The following FAM170B variants were observed in gnomAD, a reference collection of about 807,000 sequenced individuals.
FAM170B encodes family with sequence similarity 170 member B.
A neutral mutation model predicts 3.9 loss-of-function variants in FAM170B; 4 were observed. The observed-to-expected ratio is 1.01, with a 90% CI of 0.50 to 2.32. The LOEUF (loss-of-function observed/expected upper bound fraction) is 2.32. Ranked by LOEUF, FAM170B falls within the 30% of genes most tolerant of loss-of-function variation. The pLI is 0.02. For synonymous variants in FAM170B, 163 were observed against 149.8 expected (o/e 1.09, Z -0.64); for missense variants, 417 against 368.6 (o/e 1.13, Z -1.07).
chr10:49,132,015 G>T lies in FAM170B; in HGVS notation c.450C>A (p.Asn150Lys), dbSNP rs370110511. Reference sequence around the variant, plus strand: ...TGGAAGCCATTTCGAAGGAGGAGCCGTTCCACCTCTGCCTCTTGATGAACT... The same window carrying T: ...TGGAAGCCATTTCGAAGGAGGAGCCTTTCCACCTCTGCCTCTTGATGAACT... ...EAQFIKRQRW[N>K]GSSFEMASNT... The change falls in exon 2 of 2, where the codon AAC becomes AAA. Residue 150 changes from asparagine to lysine, a missense_variant. Transcript: ENST00000311787. The T allele has an allele frequency of 5.8e-6, 9 of 1,551,630 alleles. No individual in the cohort carries two copies. The highest frequency in any genetic ancestry group is 6.1e-6 in the Non-Finnish European group (7 of 1,147,012).
In FAM170B at chr10:49,133,966, G is replaced by C. The variant is rs1470875120; in HGVS notation, c.-48C>G. The C allele has an allele frequency of 6.8e-7, 1 of 1,465,850 alleles. No individual in the cohort carries two copies. Among genetic ancestry groups the C allele is most frequent in the Non-Finnish European group, 9.4e-7 (1 of 1,068,648 alleles). 90.8% of individuals were successfully genotyped at this position (1,465,850 alleles called of 1,614,324 possible). Reference sequence around the variant, plus strand: ...TGTCGGTGCTCCAGCTGTTCAGTGAGAGTTGGCTGGGGCTGTACTGAAGGC... The same window carrying C: ...TGTCGGTGCTCCAGCTGTTCAGTGACAGTTGGCTGGGGCTGTACTGAAGGC... On this transcript the variant is annotated 5_prime_UTR_variant, in exon 1 of 2. Coordinates refer to ENST00000311787, the MANE Select transcript of FAM170B (RefSeq NM_001164484.2).
rs1466953582 is a variant in FAM170B at position 49,131,648 on chromosome 10, C to T, written c.817G>A (p.Glu273Lys). The T allele has an allele frequency of 1.4e-5, 21 of 1,551,630 alleles. No individual in the cohort carries two copies. Among genetic ancestry groups the T allele is most frequent in the Middle Eastern group, 1.7e-4 (1 of 6,014 alleles). Residue 273 changes from glutamate (E) to lysine (K), a missense_variant, in exon 2 of 2, where the codon GAG becomes AAG. Glu to Lys is a moderately conservative substitution (Grantham distance 56). Transcript: ENST00000311787. ...TCCTGCTGCTGTGCTGAGAGCACCT[C>T]ACCCTGGGGCCGGGAACATTCGCTG... Reference protein sequence around the residue: ...DNSECSRPQGEVLSAQQQEKQ With the variant: ...DNSECSRPQGKVLSAQQQEKQ
At position 49,131,817 on chromosome 10, in the gene FAM170B, C is replaced by CA; in HGVS notation, c.647dup (p.Asp217GlyfsTer22). The CA allele has an allele frequency of 1.3e-6, 2 of 1,548,506 alleles. No individual in the cohort carries two copies. The highest frequency in any genetic ancestry group is 1.7e-6 in the Non-Finnish European group (2 of 1,146,972). The stretch of plus-strand genomic sequence containing the variant: ...GCTGGGCGTGCTCCAGCAGAGCGTC[C>CA]AGGGAGGGCAAGACCCTGCAGCAGG... On this transcript the variant is annotated frameshift_variant, in exon 2 of 2. Transcript: ENST00000311787. LOFTEE classifies it low-confidence loss of function (END_TRUNC).
rs1845183592 is a variant in FAM170B, at chr10:49,131,698, T to G, written c.767A>C (p.Glu256Ala). ...GTTGTCTGAAGGACTCTGCTCCTCC[T>G]CCAGCTGTTGGTCATGTGCTTGGCC... Reference protein sequence around the residue: ...AQGQAHDQQLEEEQSPSDNSE... With the variant: ...AQGQAHDQQLAEEQSPSDNSE... Residue 256 changes from glutamate to alanine, a missense_variant, in exon 2 of 2, where the codon GAG becomes GCG. By Grantham distance (107) the Glu-to-Ala change is moderately radical (BLOSUM62 -1). Transcript: ENST00000311787. The G allele has an allele frequency of 6.4e-7, 1 of 1,551,632 alleles. No homozygotes were observed. Among genetic ancestry groups the G allele is most frequent in the African/African-American group, 1.4e-5 (1 of 73,058 alleles).
chr10:49,133,988 A>C lies in FAM170B; in HGVS notation c.-70T>G, dbSNP rs534085340. 7.8e-6 allele frequency: 10 copies of C among 1,280,488 alleles called. No homozygotes were observed. The African/African-American group carries it at 1.3e-4, about 17-fold the overall frequency. The allele number at this position is 1,280,488 out of a possible 1,614,324, so 79.3% of individuals were successfully genotyped here. A position where few individuals can be genotyped will look rare whatever the true frequency, so the allele number is the denominator to read the frequency against. ...TGAGAGTTGGCTGGGGCTGTACTGAAGGCCTCCAGCTGGCCCCAGCCAGAG... is the reference window on the plus strand; with the variant it reads ...TGAGAGTTGGCTGGGGCTGTACTGACGGCCTCCAGCTGGCCCCAGCCAGAG... On this transcript the variant is annotated 5_prime_UTR_variant, in exon 1 of 2. Transcript: ENST00000311787.
chr10:49,133,514 C>T (rs1057213572), intron 1 of FAM170B, among the ~76,000 whole-genome samples: 10 of 152,204 alleles, frequency 6.6e-5, no homozygotes, highest in African/African-American at 2.4e-4. Context: ...CTGCTGAAAT[C>T]ACAGGATGGA....
In FAM170B at chr10:49,131,955, C is replaced by G. The variant is rs1175942636; in HGVS notation, c.510G>C (p.Lys170Asn). 1 of 1,551,276 alleles carries G rather than the reference C, an allele frequency of 6.4e-7. No homozygotes were observed. Among genetic ancestry groups the G allele is most frequent in the African/African-American group, 1.4e-5 (1 of 73,070 alleles). The change falls in exon 2 of 2, where the codon AAG (lysine) becomes AAC (asparagine). Residue 170 changes from lysine to asparagine, a missense_variant. Transcript: ENST00000311787. ...TDMRWDLEAC[K>N]SNCSPEPEDI... ...CCTCGGGCTCGGGGCTGCAGTTGCT[C>G]TTGCAGGCTTCCAGGTCCCAGCGCA...
chr10:49,131,518 C>G lies in FAM170B; in HGVS notation c.*95G>C, dbSNP rs547291313. On this transcript the variant is annotated 3_prime_UTR_variant, in exon 2 of 2. Transcript: ENST00000311787. Reference sequence around the variant, plus strand: ...TTTCCTTCCCCCTGACCCTGGTCCTCTCTCCCTGCCCTAGTGGCTCTGATA... The same window carrying G: ...TTTCCTTCCCCCTGACCCTGGTCCTGTCTCCCTGCCCTAGTGGCTCTGATA... 3 of 1,447,300 alleles carry G rather than the reference C, an allele frequency of 2.1e-6. No homozygotes were observed. Among genetic ancestry groups the G allele is most frequent in the African/African-American group, 2.8e-5 (2 of 70,200 alleles). The allele number at this position is 1,447,300 out of a possible 1,614,324, so 89.7% of individuals were successfully genotyped here.
chr10:49,133,747 C>A, intron 1 of FAM170B, 60 bp downstream of exon 1: 1 of 1,424,264 alleles, frequency 7.0e-7, no homozygotes, highest in South Asian at 1.2e-5. Flanking sequence ...CCCTTCCCAT[C>A]AGGGCTTCCT....
In FAM170B at chr10:49,132,181, A is replaced by T; in HGVS notation, c.284T>A (p.Met95Lys). 1.9e-6 allele frequency: 3 copies of T among 1,551,800 alleles called. No individual in the cohort carries two copies. The highest frequency in any genetic ancestry group is 1.7e-4 in the Middle Eastern group (1 of 5,992). Residue 95 changes from methionine to lysine, a missense_variant, in exon 2 of 2, where the codon ATG (methionine) becomes AAG (lysine). Transcript: ENST00000311787. ...YSQYQSCCSCMCDEDNAAPQS... is the reference protein window; with the variant it reads ...YSQYQSCCSCKCDEDNAAPQS... ...CGGAGCAGCATTGTCCTCATCGCAC[A>T]TGCAGGAGCAGCACGACTGGTACTG...
chr10:49,132,514 C>T (rs1027081257), intron 1 of FAM170B, among the ~76,000 whole-genome samples, 162 bp from the exon 2 acceptor site: 29 of 152,124 alleles, frequency 1.9e-4, no homozygotes, highest in Non-Finnish European at 2.8e-4. Context: ...GTGATAATGC[C>T]TGCTTCATAG....
Position 49,131,723 on chromosome 10 carries a change from C to T in FAM170B, c.742G>A (p.Gly248Ser). 2 of 1,551,766 alleles carry T rather than the reference C, an allele frequency of 1.3e-6. No individual in the cohort carries two copies. Among genetic ancestry groups the T allele is most frequent in the Non-Finnish European group, 1.7e-6 (2 of 1,147,022 alleles). ...EEMLERRRAQ[G>S]QAHDQQLEEE... The stretch of plus-strand genomic sequence containing the variant: ...TCCAGCTGTTGGTCATGTGCTTGGC[C>T]CTGAGCCCGCCTTCTCTCCAGCATC... The change falls in exon 2 of 2, where the codon GGC becomes AGC. Residue 248 changes from glycine to serine, a missense_variant. By Grantham distance (56) the Gly-to-Ser change is moderately conservative. Coordinates refer to ENST00000311787, the MANE Select transcript of FAM170B (RefSeq NM_001164484.2).
intron 1 of FAM170B, 72 bp downstream of exon 1, chr10:49,133,735 G>T: frequency 7.7e-7 from 1 of 1,301,092 alleles, no homozygotes; most frequent in Non-Finnish European, 1.1e-6. Context: ...ACCTGGCACT[G>T]TCCCTTCCCA....
chr10:49,131,753 CA>C lies in FAM170B; in HGVS notation c.711del (p.Phe237LeufsTer125). On this transcript the variant is annotated frameshift_variant, in exon 2 of 2. Transcript: ENST00000311787. LOFTEE classifies it low-confidence loss of function (END_TRUNC). ...GCCCGCCTTCTCTCCAGCATCTCCT[CA>C]AAAAAGATCTGACAGCTGAAGCCCT... Reference protein sequence around the residue: ...IREGFSCQIFFEEMLERRRAQ... With the variant: ...IREGFSCQIFXEEMLERRRAQ... 1.3e-6 allele frequency: 2 copies of C among 1,551,566 alleles called. No individual in the cohort carries two copies. The highest frequency in any genetic ancestry group is 1.7e-6 in the Non-Finnish European group (2 of 1,147,002).
chr10:49,131,673 G>A lies in FAM170B; in HGVS notation c.792C>T (p.Asn264=). 4.5e-6 allele frequency: 7 copies of A among 1,551,758 alleles called. No homozygotes were observed. Among genetic ancestry groups the A allele is most frequent in the Non-Finnish European group, 6.1e-6 (7 of 1,147,008 alleles). The change falls in exon 2 of 2, where the codon AAC becomes AAT. Residue 264 remains asparagine (N), a synonymous_variant. Coordinates refer to ENST00000311787, the MANE Select transcript of FAM170B (RefSeq NM_001164484.2). ...CACCCTGGGGCCGGGAACATTCGCT[G>A]TTGTCTGAAGGACTCTGCTCCTCCT... ...QLEEEQSPSD[N]SECSRPQGEV...
Position 49,131,491 on chromosome 10 carries a change from C to A in FAM170B, c.*122G>T, listed in dbSNP as rs896395786. The A allele has an allele frequency of 1.0e-5, 14 of 1,373,800 alleles. No homozygotes were observed. In the African/African-American group the frequency reaches 1.2e-4, roughly 11 times the overall value. The allele number at this position is 1,373,800 out of a possible 1,614,324, so 85.1% of individuals were successfully genotyped here. ...GGCCCTCCTTGCTCTACACTCCATG[C>A]CTTTCCTTCCCCCTGACCCTGGTCC... On this transcript the variant is annotated 3_prime_UTR_variant, in exon 2 of 2. Transcript: ENST00000311787.
rs566528806 is a variant in FAM170B, at chr10:49,133,952, C to G, written c.-34G>C. Reference sequence around the variant, plus strand: ...ATGAGTGCCCAGGGTGTCGGTGCTCCAGCTGTTCAGTGAGAGTTGGCTGGG... The same window carrying G: ...ATGAGTGCCCAGGGTGTCGGTGCTCGAGCTGTTCAGTGAGAGTTGGCTGGG... On this transcript the variant is annotated 5_prime_UTR_variant, in exon 1 of 2. Coordinates refer to ENST00000311787, the MANE Select transcript of FAM170B (RefSeq NM_001164484.2). 175 of 1,518,378 alleles carry G rather than the reference C, an allele frequency of 1.2e-4. No individual in the cohort carries two copies. Among genetic ancestry groups the G allele is most frequent in the Non-Finnish European group, 1.5e-4 (169 of 1,116,646 alleles). 94.1% of individuals were successfully genotyped at this position (1,518,378 alleles called of 1,614,324 possible).
Position 49,132,008 on chromosome 10 carries a change from A to T in FAM170B, c.457T>A (p.Ser153Thr). Residue 153 changes from serine to threonine, a missense_variant, in exon 2 of 2, where the codon TCC becomes ACC. Coordinates refer to ENST00000311787, the MANE Select transcript of FAM170B (RefSeq NM_001164484.2). ...FIKRQRWNGS[S>T]FEMASNTDMR... ...TCGGTGTTGGAAGCCATTTCGAAGG[A>T]GGAGCCGTTCCACCTCTGCCTCTTG... 1 of 1,551,740 alleles carries T rather than the reference A, an allele frequency of 6.4e-7. No homozygotes were observed. The highest frequency in any genetic ancestry group is 8.7e-7 in the Non-Finnish European group (1 of 1,147,004).
At chr10:49,133,758 T>C in intron 1 of FAM170B, 49 bp downstream of exon 1, 2 of 1,479,924 alleles carry the variant, frequency 1.4e-6, no homozygotes, top group Non-Finnish European at 9.2e-7. Flanking sequence ...AGGGCTTCCT[T>C]CCCAGGGAGC....
Sources: gnomAD v4.1 joint callset for allele counts (sites outside exome capture counted in the v4.1 genomes callset) on GRCh38, gnomAD v4.1.1 for gene constraint, MANE v1.5 for transcripts, NCBI Gene and HGNC (gene_info 2026-07-23, HGNC 2026-07-21) for gene names.